The following ZNF385D variants were observed in gnomAD, a reference collection of about 807,000 sequenced individuals.
The protein encoded by ZNF385D is zinc finger protein 659.
ZNF385D carries 15 observed loss-of-function variants against 35.8 expected under a neutral mutation model. That is an observed-to-expected ratio of 0.42 (90% CI 0.28 to 0.64). The LOEUF is 0.64. Ranked by LOEUF, ZNF385D falls within the 30% of genes least tolerant of loss-of-function variation. The probability of loss-of-function intolerance (pLI) is 0.23; values close to 1 mark genes in which losing one functional copy is unlikely to be tolerated. For missense variants in ZNF385D, 474 were observed against 494.6 expected, an observed-to-expected ratio of 0.96 and a Z score of 0.39; for synonymous variants, 212 against 186.8, an observed-to-expected ratio of 1.13 and a Z score of -1.10.
chr3:21,856,578 C>T (rs1696726020), intron 3 of ZNF385D, among the ~76,000 whole-genome samples: 1 of 151,934 alleles, frequency 6.6e-6, no homozygotes, highest in Admixed American at 6.6e-5. Context: ...TTTCTTTCTT[C>T]TTTTTCATAT....
chr3:21,816,972 G>C lies in ZNF385D; in HGVS notation c.326-151944C>G, dbSNP rs547687955. Among the ~76,000 whole-genome samples, 4 of 152,242 alleles carry C rather than the reference G, an allele frequency of 2.6e-5. No homozygotes were observed. In the South Asian group the frequency reaches 8.3e-4, roughly 32 times the overall value. On this transcript the variant is annotated intron_variant, in intron 3 of 5. Transcript: ENST00000494108. Reference sequence around the variant, plus strand: ...CAGTAACCAAAACAGCATGGTACTGGTACCAAAACAGACATATAGACCAAT... The same window carrying C: ...CAGTAACCAAAACAGCATGGTACTGCTACCAAAACAGACATATAGACCAAT...
At chr3:21,630,428 C>T (rs535142513) in intron 2 of ZNF385D, among the ~76,000 whole-genome samples, 1 of 152,216 alleles carries the variant, frequency 6.6e-6, no homozygotes, top group South Asian at 2.1e-4. Flanking sequence ...TGGTCTTGAA[C>T]TCCTGACCTC....
intron 1 of ZNF385D, among the ~76,000 whole-genome samples, chr3:21,728,456 C>T (rs1381631117): frequency 6.6e-6 from 1 of 152,100 alleles, no homozygotes; most frequent in Non-Finnish European, 1.5e-5. Context: ...CACATATCCA[C>T]TTTTAAAGAA....
chr3:21,681,772 A>G (rs139404712), intron 1 of ZNF385D, among the ~76,000 whole-genome samples: 1 of 152,146 alleles, frequency 6.6e-6, no homozygotes, highest in East Asian at 1.9e-4. Context: ...GGTGCTACAG[A>G]TTAGAAAATA....
At chr3:21,469,387 G>A (rs146163121) in intron 4 of ZNF385D, among the ~76,000 whole-genome samples, 3 of 152,226 alleles carry the variant, frequency 2.0e-5, no homozygotes, top group Admixed American at 6.5e-5. Flanking sequence ...GACCTCATAC[G>A]TCACGAAACA....
At chr3:21,900,400 A>G (rs1699340465) in intron 3 of ZNF385D, among the ~76,000 whole-genome samples, 1 of 152,186 alleles carries the variant, frequency 6.6e-6, no homozygotes, top group Non-Finnish European at 1.5e-5. Flanking sequence ...ACATGAGAAA[A>G]ACATTGTGAC....
At chr3:21,554,876 GAGTT>G (rs1229798946) in intron 3 of ZNF385D, among the ~76,000 whole-genome samples, 3 of 152,182 alleles carry the variant, frequency 2.0e-5, no homozygotes, top group Non-Finnish European at 4.4e-5. Flanking sequence ...GAATTAAAGA[GAGTT>G]AGGGCCTTCC....
intron 3 of ZNF385D, among the ~76,000 whole-genome samples, chr3:21,921,349 A>G (rs1700451470): frequency 6.6e-6 from 1 of 152,176 alleles, no homozygotes; most frequent in African/African-American, 2.4e-5. Flanking sequence ...GTAATATGCA[A>G]TCATTAACTA....
chr3:21,915,425 T>C (rs1235737535), intron 3 of ZNF385D, among the ~76,000 whole-genome samples: 1 of 152,172 alleles, frequency 6.6e-6, no homozygotes, highest in Non-Finnish European at 1.5e-5. Flanking sequence ...ACTTTGGAAG[T>C]ACTATCATGC....
chr3:21,843,516 G>C (rs543251276), intron 3 of ZNF385D, among the ~76,000 whole-genome samples: 1 of 151,914 alleles, frequency 6.6e-6, no homozygotes, highest in Non-Finnish European at 1.5e-5. Context: ...GGTAGACTCT[G>C]ATTCAAGGTT....
At chr3:21,655,559 G>A (rs1320476885) in intron 2 of ZNF385D, among the ~76,000 whole-genome samples, 2 of 151,902 alleles carry the variant, frequency 1.3e-5, no homozygotes, top group African/African-American at 2.4e-5. Context: ...TGTCCTAGAC[G>A]CTCTTTTTTA....
At chr3:22,346,771 T>A (rs765732396) in intron 2 of ZNF385D, among the ~76,000 whole-genome samples, 16 of 152,210 alleles carry the variant, frequency 1.1e-4, no homozygotes, top group Non-Finnish European at 1.9e-4. Flanking sequence ...TTTATACTAA[T>A]CATGAAAATA....
intron 3 of ZNF385D, among the ~76,000 whole-genome samples, chr3:21,939,943 T>C (rs922097536): frequency 6.6e-6 from 1 of 151,936 alleles, no homozygotes; most frequent in African/African-American, 2.4e-5. Context: ...AATGGAAGAG[T>C]ATTAAGTTGT....
chr3:22,285,163 G>T (rs779994158), intron 2 of ZNF385D, among the ~76,000 whole-genome samples: 2 of 152,040 alleles, frequency 1.3e-5, no homozygotes, highest in Non-Finnish European at 2.9e-5. Flanking sequence ...TTGTTACAAA[G>T]CAAAATTAGT....
At chr3:21,636,173 C>G (rs2065425994) in intron 2 of ZNF385D, among the ~76,000 whole-genome samples, 1 of 151,546 alleles carries the variant, frequency 6.6e-6, no homozygotes, top group African/African-American at 2.4e-5. Context: ...ACATTCCCAC[C>G]AGCAGCGTAG....
chr3:21,877,650 T>TTATAAATAAAC (rs1332586916), intron 3 of ZNF385D, among the ~76,000 whole-genome samples: 6 of 152,022 alleles, frequency 3.9e-5, no homozygotes, highest in Admixed American at 6.6e-5. Flanking sequence ...TAGTACTTAG[T>TTATAAATAAAC]TAATAAAGCT....
intron 3 of ZNF385D, among the ~76,000 whole-genome samples, chr3:21,974,832 G>T (rs1703491918): frequency 6.6e-6 from 1 of 152,156 alleles, no homozygotes; most frequent in Admixed American, 6.5e-5. Context: ...CAACATCACT[G>T]ATCATCAGAG....
At chr3:21,526,198 G>C (rs233158) in intron 3 of ZNF385D, among the ~76,000 whole-genome samples, 4 of 151,968 alleles carry the variant, frequency 2.6e-5, no homozygotes, top group Non-Finnish European at 5.9e-5. Context: ...GTTTGTAAAA[G>C]TATTCCAAAA....
At chr3:21,525,324 G>C (rs1321704131) in intron 3 of ZNF385D, among the ~76,000 whole-genome samples, 1 of 152,006 alleles carries the variant, frequency 6.6e-6, no homozygotes, top group Admixed American at 6.5e-5. Flanking sequence ...CATTTGGCGT[G>C]TATTTTTTTT....
Sources: gnomAD v4.1 joint callset for allele counts (sites outside exome capture counted in the v4.1 genomes callset) on GRCh38, gnomAD v4.1.1 for gene constraint, MANE v1.5 for transcripts, NCBI Gene and HGNC (gene_info 2026-07-23, HGNC 2026-07-21) for gene names.